YY1: variants seen among roughly 807,000 people sequenced by gnomAD.
YY1 encodes YY1 transcription factor.
Under a neutral mutation model 35.6 loss-of-function variants are expected in YY1, and 2 were observed. The observed-to-expected ratio is 0.06, with a 90% CI of 0.02 to 0.18. The LOEUF is 0.18. YY1 is among the 10% of genes least tolerant of loss of function. YY1 has a pLI of 1.00. For missense variants in YY1, 322 were observed against 573.4 expected, an observed-to-expected ratio of 0.56 and a Z score of 4.48; for synonymous variants, 268 against 238.9, an observed-to-expected ratio of 1.12 and a Z score of -1.12.
At chr14:100,257,753 TA>T (rs1287744295) in intron 1 of YY1, among the ~76,000 whole-genome samples, 1 of 152,240 alleles carries the variant, frequency 6.6e-6, no homozygotes, top group African/African-American at 2.4e-5. Flanking sequence ...TTAAGCCACC[TA>T]ATCTATATTT....
At chr14:100,260,627 C>T (rs886514918) in intron 1 of YY1, among the ~76,000 whole-genome samples, 39 of 151,530 alleles carry the variant, frequency 2.6e-4, no homozygotes, top group African/African-American at 9.0e-4. Flanking sequence ...TGCCCGCCAC[C>T]ACGCCTGGCT....
In YY1 at chr14:100,239,146, C is replaced by A; in HGVS notation, c.-99C>A. The A allele has an allele frequency of 8.7e-7, 1 of 1,152,938 alleles. No individual in the cohort carries two copies. The highest frequency in any genetic ancestry group is 3.6e-5 in the East Asian group (1 of 27,720). The allele number at this position is 1,152,938 out of a possible 1,614,324, so 71.4% of individuals were successfully genotyped here. ...CCCCCCGCCCGCTCGCCGCCTTCCT[C>A]CCTCTGCCTTCCTTCCCCACGGCCG... On this transcript the variant is annotated 5_prime_UTR_variant, in exon 1 of 5. Coordinates refer to ENST00000262238, the MANE Select transcript of YY1 (RefSeq NM_003403.5).
At chr14:100,241,523 G>A (rs1890741838) in intron 1 of YY1, among the ~76,000 whole-genome samples, 1 of 152,194 alleles carries the variant, frequency 6.6e-6, no homozygotes, top group East Asian at 1.9e-4. Flanking sequence ...GCGCTGTCCT[G>A]CATCCAGGGT....
At chr14:100,269,584 T>G (rs1891204158) in intron 2 of YY1, among the ~76,000 whole-genome samples, 2 of 152,186 alleles carry the variant, frequency 1.3e-5, no homozygotes, top group African/African-American at 2.4e-5. Context: ...ACTCGCAAAA[T>G]GAAACACTGT....
intron 1 of YY1, 136 bp from the exon 2 acceptor site, chr14:100,262,168 A>T (rs894511551): frequency 1.1e-6 from 1 of 942,052 alleles, no homozygotes; most frequent in Non-Finnish European, 1.6e-6. Context: ...TCTCCAAAAA[A>T]AAAAAAGGGA....
Position 100,239,827 on chromosome 14 carries a change from G to T in YY1, c.583G>T (p.Gly195Cys). ...YLSGGAGAAG[G>C]GGADPGNKKW... ...CAGCGGCGGGGCCGGCGCGGCGGGCGGCGGCGGCGCCGACCCGGGCAACAA... is the reference window on the plus strand; with the variant it reads ...CAGCGGCGGGGCCGGCGCGGCGGGCTGCGGCGGCGCCGACCCGGGCAACAA... Residue 195 changes from glycine (G) to cysteine (C), a missense_variant, in exon 1 of 5, where the codon GGC becomes TGC. Coordinates refer to ENST00000262238, the MANE Select transcript of YY1 (RefSeq NM_003403.5). The T allele has an allele frequency of 6.7e-7, 1 of 1,483,446 alleles. No individual in the cohort carries two copies. The highest frequency in any genetic ancestry group is 1.3e-5 in the South Asian group (1 of 74,076). 91.9% of individuals were successfully genotyped at this position (1,483,446 alleles called of 1,614,324 possible).
chr14:100,276,380 G>A lies in YY1; in HGVS notation c.904-110G>A. The A allele has an allele frequency of 7.0e-7, 1 of 1,424,994 alleles. No homozygotes were observed. The highest frequency in any genetic ancestry group is 9.7e-7 in the Non-Finnish European group (1 of 1,026,866). 88.3% of individuals were successfully genotyped at this position (1,424,994 alleles called of 1,614,324 possible). ...GTAATACTAAGTAAAATTAAAATGGGGGGTTGGGGAGGTGGTTTTGTTTTA... is the reference window on the plus strand; with the variant it reads ...GTAATACTAAGTAAAATTAAAATGGAGGGTTGGGGAGGTGGTTTTGTTTTA... On this transcript the variant is annotated intron_variant, in intron 3 of 4. Transcript: ENST00000262238. The surrounding 1 kb of genome is among the most constrained non-coding windows in gnomAD (Gnocchi z 4.1).
intron 1 of YY1, among the ~76,000 whole-genome samples, chr14:100,243,316 G>A (rs1284742254): frequency 6.6e-6 from 1 of 152,182 alleles, no homozygotes; most frequent in Non-Finnish European, 1.5e-5. Flanking sequence ...TTTGATCCTA[G>A]GCATGAAGGT....
At chr14:100,260,222 G>A (rs1891061431) in intron 1 of YY1, among the ~76,000 whole-genome samples, 1 of 151,690 alleles carries the variant, frequency 6.6e-6, no homozygotes. Flanking sequence ...GCTTACAGGC[G>A]CCCGCCACCA....
At position 100,277,884 on chromosome 14, in the gene YY1, C is replaced by A. The variant is rs1342453976; in HGVS notation, c.*284C>A. ...GGAGGACAATTCATGAACTTCGCAT[C>A]AAAAGACAATTCTTTATACAACAGT... is the stretch of plus-strand genomic sequence containing the variant. On this transcript the variant is annotated 3_prime_UTR_variant, in exon 5 of 5. Transcript: ENST00000262238. The surrounding 1 kb of genome is among the most constrained non-coding windows in gnomAD (Gnocchi z 5.6). 1.7e-5 allele frequency: 7 copies of A among 404,136 alleles called. No homozygotes were observed. Among genetic ancestry groups the A allele is most frequent in the Non-Finnish European group, 2.7e-5 (6 of 222,868 alleles). The allele number at this position is 404,136 out of a possible 1,614,324, so 25.0% of individuals were successfully genotyped here.
intron 2 of YY1, among the ~76,000 whole-genome samples, chr14:100,264,791 A>T (rs1026300676): frequency 1.3e-5 from 2 of 152,208 alleles, no homozygotes. Context: ...TGGCAGTCAG[A>T]TAACAAAGGA....
intron 2 of YY1, among the ~76,000 whole-genome samples, chr14:100,267,022 A>G (rs1485903096): frequency 6.6e-6 from 1 of 152,204 alleles, no homozygotes; most frequent in Non-Finnish European, 1.5e-5. Flanking sequence ...TTAGAATAGA[A>G]AGTTGGCTGG....
Position 100,273,211 on chromosome 14 carries a change from T to C in YY1, c.843-1487T>C, listed in dbSNP as rs549217384. Among the ~76,000 whole-genome samples, 14 of 152,264 alleles carry C rather than the reference T, an allele frequency of 9.2e-5. No individual in the cohort carries two copies. In the South Asian group the frequency reaches 2.9e-3, roughly 32 times the overall value. On this transcript the variant is annotated intron_variant, in intron 2 of 4. Coordinates refer to ENST00000262238, the MANE Select transcript of YY1 (RefSeq NM_003403.5). ...AACTCCTGGCCTCAAGTGATCCATC[T>C]ACCTCGGCCTCCCAAAGTGCTGGGA...
chr14:100,247,255 A>AT (rs1428708664), intron 1 of YY1, among the ~76,000 whole-genome samples: 2 of 152,242 alleles, frequency 1.3e-5, no homozygotes, highest in African/African-American at 4.8e-5. Flanking sequence ...AGTTATTGCA[A>AT]TGAATGTTAC....
chr14:100,249,748 G>GTTTTT (rs57119106), intron 1 of YY1, among the ~76,000 whole-genome samples: 102 of 140,902 alleles, frequency 7.2e-4, no homozygotes, highest in African/African-American at 1.2e-3. Context: ...GCTACTTACC[G>GTTTTT]TTTTTTTTTT....
At chr14:100,266,125 A>G (rs1293328220) in intron 2 of YY1, among the ~76,000 whole-genome samples, 7 of 152,154 alleles carry the variant, frequency 4.6e-5, no homozygotes, top group Non-Finnish European at 8.8e-5. Flanking sequence ...ACTTACTATC[A>G]TGAGAATAAC....
At position 100,261,456 on chromosome 14, in the gene YY1, T is replaced by A. The variant is rs551399101; in HGVS notation, c.680-848T>A. 1.0e-3 allele frequency among the ~76,000 whole-genome samples: 155 copies of A among 152,334 alleles called. 1 individual carries two copies. The highest frequency in any genetic ancestry group is 3.6e-3 in the African/African-American group (149 of 41,578). On this transcript the variant is annotated intron_variant, in intron 1 of 4. Transcript: ENST00000262238. ...CCACCGCCTCGGCCTTCCAAAGTGC[T>A]GGGATTATAGGCATGAACCACTGGT...
intron 1 of YY1, among the ~76,000 whole-genome samples, chr14:100,245,897 G>T (rs879333253): frequency 2.0e-5 from 3 of 152,080 alleles, no homozygotes; most frequent in Non-Finnish European, 4.4e-5. Context: ...GTGAGCCACC[G>T]CGCCCAGCCA....
At chr14:100,254,800 T>C (rs1328985622) in intron 1 of YY1, among the ~76,000 whole-genome samples, 1 of 148,576 alleles carries the variant, frequency 6.7e-6, no homozygotes, top group Non-Finnish European at 1.5e-5. Flanking sequence ...TGAGTCGAAG[T>C]CTCACAGTGT....
Sources: gnomAD v4.1 joint callset for allele counts (sites outside exome capture counted in the v4.1 genomes callset) on GRCh38, gnomAD v4.1.1 for gene constraint, Gnocchi (gnomAD v3.1) non-coding constraint, MANE v1.5 for transcripts, NCBI Gene and HGNC (gene_info 2026-07-23, HGNC 2026-07-21) for gene names.